CGNL1: variants seen among roughly 807,000 people sequenced by gnomAD.
The protein encoded by CGNL1 is cingulin like 1.
In CGNL1, 132 loss-of-function variants were observed where a neutral mutation model predicts 141.2. The ratio of observed to expected loss-of-function variants is 0.93; its 90% CI spans 0.81 to 1.08. The LOEUF (loss-of-function observed/expected upper bound fraction) is 1.08. Ranked by LOEUF, CGNL1 falls within the 50% of genes least tolerant of loss-of-function variation. The pLI is 0.00. For missense variants in CGNL1, 1,870 were observed against 1,588.6 expected (o/e 1.18, Z -3.01); for synonymous variants, 690 against 622.1 (o/e 1.11, Z -1.63).
Position 57,543,736 on chromosome 15 carries a change from C to CGAGACAAGACTTG in CGNL1, c.3336_3348dup (p.Cys1117ThrfsTer53), listed in dbSNP as rs1567179559. ...AATGAGCTACTTCAGGAGAGAGCTG[C>CGAGACAAGACTTG]GAGACAAGACTTGGAGTGCGACAAG... On this transcript the variant is annotated frameshift_variant, in exon 15 of 19. Coordinates refer to ENST00000281282, the MANE Select transcript of CGNL1 (RefSeq NM_032866.5). LOFTEE classifies it high-confidence loss of function. 3 of 1,613,948 alleles carry CGAGACAAGACTTG rather than the reference C, an allele frequency of 1.9e-6. No individual in the cohort carries two copies. The East Asian group carries it at 6.7e-5, about 36-fold the overall frequency.
intron 8 of CGNL1, among the ~76,000 whole-genome samples, chr15:57,493,475 C>A (rs780249620): frequency 2.0e-5 from 3 of 152,060 alleles, no homozygotes; most frequent in Non-Finnish European, 4.4e-5. Flanking sequence ...CAGAGACAGC[C>A]CAAGTACAAT....
intron 1 of CGNL1, among the ~76,000 whole-genome samples, chr15:57,416,538 C>T (rs562195125): frequency 1.3e-5 from 2 of 152,310 alleles, no homozygotes; most frequent in East Asian, 1.9e-4. Flanking sequence ...TCAGGGCCTA[C>T]AGCTGCCTGC....
intron 12 of CGNL1, 65 bp downstream of exon 12, chr15:57,524,816 C>A: frequency 6.6e-7 from 1 of 1,510,484 alleles, no homozygotes; most frequent in South Asian, 1.2e-5. Flanking sequence ...CCCTGAAAGT[C>A]TTCTGTGAGG....
chr15:57,394,630 G>A (rs1314041760), intron 1 of CGNL1, among the ~76,000 whole-genome samples: 11 of 152,188 alleles, frequency 7.2e-5, no homozygotes, highest in Admixed American at 7.2e-4. Flanking sequence ...GTAAATTGGA[G>A]ACTATTGTAT....
chr15:57,436,968 C>T (rs755825936), intron 1 of CGNL1, among the ~76,000 whole-genome samples: 3 of 151,892 alleles, frequency 2.0e-5, no homozygotes, highest in Non-Finnish European at 4.4e-5. Flanking sequence ...AGAAAGAAAA[C>T]TCAAAAAGTC....
intron 8 of CGNL1, among the ~76,000 whole-genome samples, chr15:57,513,878 G>A (rs1426097623): frequency 2.0e-5 from 3 of 152,092 alleles, no homozygotes; most frequent in South Asian, 2.1e-4. Flanking sequence ...AGGTCCTACC[G>A]TAACTCTGTG....
In CGNL1 at chr15:57,439,392, A is replaced by C; in HGVS notation, c.1393A>C (p.Asn465His). 3 of 1,614,214 alleles carry C rather than the reference A, an allele frequency of 1.9e-6. No individual in the cohort carries two copies. The highest frequency in any genetic ancestry group is 2.5e-6 in the Non-Finnish European group (3 of 1,180,016). ...TGCCCACTCCAGGCCTCCCCAGCCG[A>C]ACATAGATGGGAAAGTTCTGGAAAC... ...SCAHSRPPQP[N>H]IDGKVLETEG... is the part of the protein sequence containing the mutation. The change falls in exon 2 of 19, where the codon AAC becomes CAC. Residue 465 changes from asparagine to histidine, a missense_variant. Physicochemically the swap from Asn to His is moderately conservative, Grantham distance 68. Transcript: ENST00000281282.
chr15:57,424,220 G>A (rs2062948877), intron 1 of CGNL1, among the ~76,000 whole-genome samples: 1 of 152,146 alleles, frequency 6.6e-6, no homozygotes, highest in South Asian at 2.1e-4. Context: ...CTCTAAACTT[G>A]TTGTTCTCTC....
chr15:57,488,186 C>A (rs190628013), intron 8 of CGNL1, among the ~76,000 whole-genome samples: 2 of 152,104 alleles, frequency 1.3e-5, no homozygotes, highest in East Asian at 3.9e-4. Flanking sequence ...GCTTATTGGC[C>A]GTTTGTATGT....
At chr15:57,428,744 G>T (rs557980839) in intron 1 of CGNL1, among the ~76,000 whole-genome samples, 1 of 152,304 alleles carries the variant, frequency 6.6e-6, no homozygotes, top group Admixed American at 6.5e-5. Context: ...CAGACTGTGG[G>T]CCGGGCGTAG....
At chr15:57,400,321 G>C (rs937128893) in intron 1 of CGNL1, among the ~76,000 whole-genome samples, 5 of 152,076 alleles carry the variant, frequency 3.3e-5, no homozygotes, top group Admixed American at 6.6e-5. Flanking sequence ...TGCCTTTTGT[G>C]GTTCTTCTGT....
intron 8 of CGNL1, among the ~76,000 whole-genome samples, chr15:57,462,937 T>C (rs927750841): frequency 3.3e-5 from 5 of 152,204 alleles, no homozygotes; most frequent in African/African-American, 1.2e-4. Context: ...TTTTATTGCT[T>C]TGAGGGGACA....
intron 14 of CGNL1, among the ~76,000 whole-genome samples, chr15:57,536,171 A>G (rs1390729044): frequency 6.6e-6 from 1 of 152,132 alleles, no homozygotes; most frequent in African/African-American, 2.4e-5. Context: ...TTATAAAACC[A>G]TTAGATCTCA....
chr15:57,453,457 T>A (rs1357706102), intron 6 of CGNL1, among the ~76,000 whole-genome samples: 2 of 152,168 alleles, frequency 1.3e-5, no homozygotes, highest in African/African-American at 4.8e-5. Context: ...ACCCACTTTG[T>A]TGGTTTGAGT....
intron 8 of CGNL1, among the ~76,000 whole-genome samples, chr15:57,462,307 T>G (rs1405705778): frequency 2.0e-5 from 3 of 152,190 alleles, no homozygotes; most frequent in African/African-American, 7.2e-5. Flanking sequence ...CACCCTAGTC[T>G]GTTCCTTTTG....
chr15:57,486,193 G>T (rs1243581994), intron 8 of CGNL1, among the ~76,000 whole-genome samples: 1 of 152,166 alleles, frequency 6.6e-6, no homozygotes, highest in African/African-American at 2.4e-5. Flanking sequence ...TTCTTTCAGG[G>T]ATCAGCTAAT....
intron 18 of CGNL1, 87 bp from the exon 19 acceptor site, chr15:57,547,268 C>A (rs1440769165): frequency 2.0e-6 from 3 of 1,485,482 alleles, no homozygotes; most frequent in African/African-American, 1.4e-5. Flanking sequence ...GGTGCAGGGA[C>A]AGCAACCCAA....
At chr15:57,498,309 G>C (rs755197558) in intron 8 of CGNL1, among the ~76,000 whole-genome samples, 3 of 130,930 alleles carry the variant, frequency 2.3e-5, no homozygotes, top group Non-Finnish European at 4.6e-5. Flanking sequence ...GAGTGCAGTA[G>C]CTTGATCATG....
chr15:57,419,093 G>A (rs1270483315), intron 1 of CGNL1, among the ~76,000 whole-genome samples: 2 of 152,050 alleles, frequency 1.3e-5, no homozygotes, highest in Non-Finnish European at 2.9e-5. Context: ...CACCACGCCC[G>A]GCTAATTTTT....
Sources: allele counts gnomAD v4.1 joint callset (sites outside exome capture counted in the v4.1 genomes callset), GRCh38; gene constraint gnomAD v4.1.1; transcripts MANE v1.5; gene names NCBI Gene and HGNC (gene_info 2026-07-23, HGNC 2026-07-21).